COBLL1: variants seen among roughly 807,000 people sequenced by gnomAD.
COBLL1 encodes the protein cordon-bleu WH2 repeat protein like 1.
COBLL1 carries 50 observed loss-of-function variants against 94.8 expected under a neutral mutation model. The ratio of observed to expected loss-of-function variants is 0.53; its 90% confidence interval spans 0.42 to 0.67. The LOEUF is 0.67. Ranked by LOEUF, COBLL1 falls within the 30% of genes least tolerant of loss-of-function variation. COBLL1 has a pLI of 0.00. For missense variants in COBLL1, 1,362 were observed against 1,348.7 expected (o/e 1.01, Z -0.15); for synonymous variants, 448 against 473.8 (o/e 0.95, Z 0.71).
chr2:164,772,245 G>C (rs1429203642), intron 2 of COBLL1, among the ~76,000 whole-genome samples: 5 of 150,208 alleles, frequency 3.3e-5, no homozygotes, highest in Admixed American at 6.6e-5. Flanking sequence ...GTGCTGTTCT[G>C]GTTTATGTCA....
At chr2:164,787,376 C>A (rs1682913055) in intron 2 of COBLL1, among the ~76,000 whole-genome samples, 1 of 152,100 alleles carries the variant, frequency 6.6e-6, no homozygotes, top group African/African-American at 2.4e-5. Flanking sequence ...GTGACTGATA[C>A]AACTGAAATT....
chr2:164,702,687 C>A (rs1434844019), intron 9 of COBLL1, among the ~76,000 whole-genome samples: 1 of 151,648 alleles, frequency 6.6e-6, no homozygotes, highest in African/African-American at 2.4e-5. Context: ...GCTTTGTCAC[C>A]CAGGCTGGAG....
At chr2:164,659,364 G>A (rs980108195) in intron 2 of COBLL1, among the ~76,000 whole-genome samples, 6 of 152,192 alleles carry the variant, frequency 3.9e-5, no homozygotes, top group East Asian at 1.9e-4. Flanking sequence ...AGGTCCCCTC[G>A]AGTGGCATAG....
At chr2:164,691,208 C>T (rs1683573714) in intron 13 of COBLL1, among the ~76,000 whole-genome samples, 1 of 152,112 alleles carries the variant, frequency 6.6e-6, no homozygotes, top group African/African-American at 2.4e-5. Context: ...AGGAAGTTGG[C>T]TTATGCAGTC....
intron 3 of COBLL1, among the ~76,000 whole-genome samples, chr2:164,741,231 C>T (rs12990772): frequency 0.24 from 36,380 of 151,680 alleles, 4,782 homozygotes; most frequent in African/African-American, 0.34. Flanking sequence ...AGCCAAGATC[C>T]CGCCAATGCA....
At chr2:164,665,724 G>A (rs186968775) in intron 2 of COBLL1, 1 of 152,122 alleles carries the variant, frequency 6.6e-6, no homozygotes, top group Non-Finnish European at 1.5e-5. Flanking sequence ...TAATAAATGA[G>A]CTAAATAAAG....
At chr2:164,781,082 A>G (rs1410204196) in intron 2 of COBLL1, among the ~76,000 whole-genome samples, 1 of 152,226 alleles carries the variant, frequency 6.6e-6, no homozygotes, top group African/African-American at 2.4e-5. Context: ...ATAATGTTGC[A>G]CTGTAATTAT....
At chr2:164,815,742 G>A (rs1240666947) in intron 2 of COBLL1, among the ~76,000 whole-genome samples, 1 of 151,944 alleles carries the variant, frequency 6.6e-6, no homozygotes, top group African/African-American at 2.4e-5. Flanking sequence ...AAGATCCATG[G>A]GAATTGTTCC....
chr2:164,666,381 C>T (rs527676431), intron 1 of COBLL1, among the ~76,000 whole-genome samples: 2 of 152,240 alleles, frequency 1.3e-5, no homozygotes, highest in African/African-American at 2.4e-5. Context: ...AAAATGCTAA[C>T]GATCATCTGA....
intron 2 of COBLL1, among the ~76,000 whole-genome samples, chr2:164,745,814 G>A (rs759082206): frequency 4.6e-5 from 7 of 152,112 alleles, no homozygotes; most frequent in Non-Finnish European, 1.0e-4. Context: ...AAAAGAAAAT[G>A]GTAATTTTTG....
intron 2 of COBLL1, among the ~76,000 whole-genome samples, chr2:164,789,124 C>T (rs986296902): frequency 3.3e-5 from 5 of 151,682 alleles, no homozygotes; most frequent in African/African-American, 4.8e-5. Flanking sequence ...GAGAGGATCA[C>T]TTAAGCATAG....
chr2:164,800,565 T>TA, intron 2 of COBLL1: 1 of 701,912 alleles, frequency 1.4e-6, no homozygotes. Context: ...CTAGGCAGCA[T>TA]AAAAAAGAAA....
intron 1 of COBLL1, among the ~76,000 whole-genome samples, chr2:164,667,018 C>T (rs1333977217): frequency 1.3e-5 from 2 of 152,098 alleles, no homozygotes; most frequent in African/African-American, 4.8e-5. Context: ...TTACTTTCCT[C>T]GGATCCATCA....
intron 2 of COBLL1, among the ~76,000 whole-genome samples, chr2:164,814,924 A>C (rs959182556): frequency 3.9e-5 from 6 of 152,198 alleles, no homozygotes; most frequent in Admixed American, 6.6e-5. Context: ...ATTTGACATA[A>C]GTGTCTCAGC....
At chr2:164,661,345 A>G (rs1691068010) in intron 2 of COBLL1, among the ~76,000 whole-genome samples, 1 of 152,160 alleles carries the variant, frequency 6.6e-6, no homozygotes, top group Non-Finnish European at 1.5e-5. Flanking sequence ...CTTGAAGGAT[A>G]CAAGCTTTGG....
chr2:164,824,459 G>T (rs1685336140), intron 2 of COBLL1, among the ~76,000 whole-genome samples: 1 of 151,740 alleles, frequency 6.6e-6, no homozygotes, highest in Non-Finnish European at 1.5e-5. Context: ...AAAAAACAAT[G>T]ATTTCAAGAT....
In COBLL1 at chr2:164,686,011, T is replaced by C. The variant is rs780662918; in HGVS notation, c.3322A>G (p.Ile1108Val). ...AGTCTTGACCTTCCATTCACAGATA[T>C]TGTATTTGATGGAATGGTAACCTAA... ...LKRVTIPSNT[I>V]SVNGRSRLSH... The change falls in exon 14 of 14, where the codon ATA (isoleucine) becomes GTA (valine). Residue 1108 changes from isoleucine to valine, a missense_variant. Coordinates refer to ENST00000652658, the MANE Select transcript of COBLL1 (RefSeq NM_001365672.2). 4.4e-6 allele frequency: 7 copies of C among 1,600,986 alleles called. No individual in the cohort carries two copies. The highest frequency in any genetic ancestry group is 1.3e-5 in the African/African-American group (1 of 74,318).
At chr2:164,775,722 G>C (rs1688431465) in intron 2 of COBLL1, among the ~76,000 whole-genome samples, 1 of 152,180 alleles carries the variant, frequency 6.6e-6, no homozygotes, top group Non-Finnish European at 1.5e-5. Flanking sequence ...TCAAAGTGCT[G>C]AGATTACAGG....
rs1683372787 is a variant in COBLL1, at chr2:164,687,669, A to G, written c.3301-1637T>C. The G allele has an allele frequency of 1.9e-5, 15 of 792,962 alleles. No homozygotes were observed. In the South Asian group the frequency reaches 1.9e-4, roughly 10 times the overall value. 49.1% of individuals were successfully genotyped at this position (792,962 alleles called of 1,614,324 possible). A position where few individuals can be genotyped will look rare whatever the true frequency, so the allele number is the denominator to read the frequency against. Reference sequence around the variant, plus strand: ...CCTATTATCAAGGTCCCTTAGAGCAACCTATAGAGGAAACAGGCTGCATAC... The same window carrying G: ...CCTATTATCAAGGTCCCTTAGAGCAGCCTATAGAGGAAACAGGCTGCATAC... On this transcript the variant is annotated intron_variant, in intron 13 of 13. Coordinates refer to ENST00000652658, the MANE Select transcript of COBLL1 (RefSeq NM_001365672.2).
Sources: allele counts gnomAD v4.1 joint callset (sites outside exome capture counted in the v4.1 genomes callset), GRCh38; gene constraint gnomAD v4.1.1; transcripts MANE v1.5; gene names NCBI Gene and HGNC (gene_info 2026-07-23, HGNC 2026-07-21).